The following BNC2 variants were observed in gnomAD, a reference collection of about 807,000 sequenced individuals.
BNC2 encodes the protein zinc finger protein basonuclin-2.
BNC2 carries 20 observed loss-of-function variants against 76.3 expected under a neutral mutation model. The observed-to-expected ratio is 0.26, with a 90% CI of 0.18 to 0.38. The LOEUF is 0.38. BNC2 is among the 10% of genes least tolerant of loss of function. The pLI is 1.00. For missense variants in BNC2, 1,382 were observed against 1,399.8 expected (o/e 0.99, Z 0.20); for synonymous variants, 582 against 514.8 (o/e 1.13, Z -1.77).
intron 4 of BNC2, among the ~76,000 whole-genome samples, chr9:16,581,574 G>T (rs900753556): frequency 6.6e-6 from 1 of 152,162 alleles, no homozygotes; most frequent in Non-Finnish European, 1.5e-5. Context: ...AGAAGCCTCA[G>T]AATGAAACCA....
At chr9:16,554,637 A>C (rs1214492931) in intron 4 of BNC2, among the ~76,000 whole-genome samples, 1 of 152,196 alleles carries the variant, frequency 6.6e-6, no homozygotes, top group Non-Finnish European at 1.5e-5. Context: ...GCAAAAAAGC[A>C]GGGATGGGGT....
chr9:16,506,522 T>C (rs1222857966), intron 5 of BNC2, among the ~76,000 whole-genome samples: 4 of 89,172 alleles, frequency 4.5e-5, no homozygotes, highest in African/African-American at 1.6e-4. Context: ...TCTTTTTTTT[T>C]TTTTTTTTTT....
intron 3 of BNC2, among the ~76,000 whole-genome samples, chr9:16,657,326 A>G (rs904731298): frequency 1.3e-5 from 2 of 152,206 alleles, no homozygotes; most frequent in Non-Finnish European, 2.9e-5. Flanking sequence ...AAGAGTTAGA[A>G]AATCCAAAGA....
intron 5 of BNC2, among the ~76,000 whole-genome samples, chr9:16,471,745 A>G (rs937443186): frequency 1.3e-5 from 2 of 152,160 alleles, no homozygotes; most frequent in South Asian, 4.1e-4. Flanking sequence ...ATGTGAGGAC[A>G]TAAGATTTGG....
chr9:16,669,289 A>C (rs1293007020), intron 3 of BNC2, among the ~76,000 whole-genome samples: 1 of 152,188 alleles, frequency 6.6e-6, no homozygotes, highest in Admixed American at 6.5e-5. Context: ...TTTTCCTTAT[A>C]ATCTAAAACT....
rs150007982 is a variant in BNC2 at position 16,505,853 on chromosome 9, C to G, written c.669+46677G>C. On this transcript the variant is annotated intron_variant, in intron 5 of 6. Coordinates refer to ENST00000380672, the MANE Select transcript of BNC2 (RefSeq NM_017637.6). ...CAAGTCAGTTTCTGAAGCTGTAAGG[C>G]CAGAGTCTCATTTTAGCACATTTGT... 5.8e-4 allele frequency among the ~76,000 whole-genome samples: 89 copies of G among 152,236 alleles called. 1 individual carries two copies. The East Asian group carries it at 0.017, about 29-fold the overall frequency.
At chr9:16,602,733 T>A (rs1293319786) in intron 3 of BNC2, among the ~76,000 whole-genome samples, 1 of 152,168 alleles carries the variant, frequency 6.6e-6, no homozygotes, top group Non-Finnish European at 1.5e-5. Flanking sequence ...AACAACCCAT[T>A]AGGTGGAAAT....
At chr9:16,707,095 G>C (rs576716194) in intron 3 of BNC2, among the ~76,000 whole-genome samples, 2 of 152,092 alleles carry the variant, frequency 1.3e-5, no homozygotes, top group Admixed American at 6.6e-5. Context: ...CCAGCTAATC[G>C]GGAGGCTGAG....
intron 5 of BNC2, among the ~76,000 whole-genome samples, chr9:16,454,131 CTTTT>C (rs533881914): frequency 6.6e-6 from 1 of 151,688 alleles, no homozygotes. Flanking sequence ...TCCCATTCTG[CTTTT>C]TTTTGTGTTT....
chr9:16,822,477 C>A, intron 1 of BNC2, among the ~76,000 whole-genome samples: 1 of 152,126 alleles, frequency 6.6e-6, no homozygotes, highest in East Asian at 1.9e-4. Flanking sequence ...AGGGTTAGTA[C>A]AGCCATCTAG....
intron 3 of BNC2, among the ~76,000 whole-genome samples, chr9:16,679,129 C>G (rs114209734): frequency 0.016 from 2,386 of 152,164 alleles, 32 homozygotes; most frequent in African/African-American, 0.049. Context: ...CTATAGAAAG[C>G]TACACTGTGC....
At chr9:16,698,608 G>A (rs530523805) in intron 3 of BNC2, among the ~76,000 whole-genome samples, 6 of 152,052 alleles carry the variant, frequency 3.9e-5, no homozygotes, top group East Asian at 1.9e-4. Flanking sequence ...CAGGAGAATC[G>A]CTTGAACCCG....
At chr9:16,493,365 A>T (rs1822318123) in intron 5 of BNC2, among the ~76,000 whole-genome samples, 1 of 152,228 alleles carries the variant, frequency 6.6e-6, no homozygotes, top group Non-Finnish European at 1.5e-5. Context: ...TTTTCAAAGT[A>T]CAATATTGAT....
intron 2 of BNC2, among the ~76,000 whole-genome samples, chr9:16,732,777 C>A (rs1409559620): frequency 6.6e-6 from 1 of 152,112 alleles, no homozygotes; most frequent in Non-Finnish European, 1.5e-5. Context: ...CAAAACTGTC[C>A]CTGTTCTTGC....
At chr9:16,644,808 GC>G (rs970320967) in intron 3 of BNC2, among the ~76,000 whole-genome samples, 1 of 152,222 alleles carries the variant, frequency 6.6e-6, no homozygotes, top group African/African-American at 2.4e-5. Context: ...AGTAGCTGCT[GC>G]CTTGTGCAGG....
At chr9:16,574,352 T>C (rs547782983) in intron 4 of BNC2, among the ~76,000 whole-genome samples, 1 of 152,340 alleles carries the variant, frequency 6.6e-6, no homozygotes, top group African/African-American at 2.4e-5. Context: ...GTAGCCTTAA[T>C]CCTACCTAAA....
chr9:16,754,464 C>G (rs1278142287), intron 1 of BNC2, among the ~76,000 whole-genome samples: 2 of 152,200 alleles, frequency 1.3e-5, no homozygotes, highest in Admixed American at 6.6e-5. Flanking sequence ...TAATCCAGAT[C>G]TAAATGTTCT....
At chr9:16,565,109 G>T (rs1317184286) in intron 4 of BNC2, among the ~76,000 whole-genome samples, 3 of 151,920 alleles carry the variant, frequency 2.0e-5, no homozygotes, top group African/African-American at 7.3e-5. Context: ...TAACTGATTT[G>T]GTCTCTCTCT....
chr9:16,787,841 G>A (rs1023460322), intron 1 of BNC2, among the ~76,000 whole-genome samples: 6 of 152,090 alleles, frequency 3.9e-5, no homozygotes, highest in Admixed American at 1.3e-4. Flanking sequence ...ATGAGCCAAC[G>A]CGCCCTGCCC....
Sources: allele counts gnomAD v4.1 joint callset (sites outside exome capture counted in the v4.1 genomes callset), GRCh38; gene constraint gnomAD v4.1.1; transcripts MANE v1.5; gene names NCBI Gene and HGNC (gene_info 2026-07-23, HGNC 2026-07-21).